The following ARHGAP26 variants were observed in gnomAD, a reference collection of about 807,000 sequenced individuals.
ARHGAP26 encodes rho GTPase-activating protein 26.
Under a neutral mutation model 104.8 loss-of-function variants are expected in ARHGAP26, and 38 were observed. That is an observed-to-expected ratio of 0.36 (90% CI 0.28 to 0.48). The LOEUF (loss-of-function observed/expected upper bound fraction) is 0.48. Ranked by LOEUF, ARHGAP26 falls within the 20% of genes least tolerant of loss-of-function variation. The pLI is 0.99. For synonymous variants in ARHGAP26, 341 were observed against 340.0 expected (o/e 1.00, Z -0.03); for missense variants, 704 against 947.9 (o/e 0.74, Z 3.38).
intron 17 of ARHGAP26, among the ~76,000 whole-genome samples, chr5:143,089,433 T>C (rs2150513250): frequency 1.3e-5 from 2 of 152,370 alleles, no homozygotes; most frequent in Middle Eastern, 6.8e-3. Context: ...TACCCCTGAG[T>C]TGTTGGCTAA....
intron 10 of ARHGAP26, among the ~76,000 whole-genome samples, chr5:142,931,512 C>A (rs897364509): frequency 6.6e-6 from 1 of 152,160 alleles, no homozygotes; most frequent in African/African-American, 2.4e-5. Context: ...AAATACTGTG[C>A]ACATTTAATC....
chr5:142,777,817 A>G (rs1756657564), intron 1 of ARHGAP26, among the ~76,000 whole-genome samples: 1 of 152,192 alleles, frequency 6.6e-6, no homozygotes, highest in South Asian at 2.1e-4. Flanking sequence ...GAATGCACAA[A>G]GAGATAGGCC....
intron 20 of ARHGAP26, chr5:143,203,702 G>A (rs1444827132): frequency 6.6e-6 from 1 of 152,184 alleles, no homozygotes; most frequent in Non-Finnish European, 1.5e-5. Context: ...ACTGGATAAA[G>A]AAAATGTGGC....
intron 10 of ARHGAP26, among the ~76,000 whole-genome samples, chr5:142,913,502 A>G (rs935185191): frequency 5.3e-5 from 8 of 150,286 alleles, no homozygotes; most frequent in African/African-American, 2.0e-4. Context: ...TGCGAGAATC[A>G]TTAGAACCTC....
chr5:143,064,759 G>A lies in ARHGAP26; in HGVS notation c.1538+7012G>A, dbSNP rs186416000. ...AACCCAAGAATTTGTCTGTTCTGTGGCTTTGTAGCCTTTAGAGATAGGAGA... is the reference window on the plus strand; with the variant it reads ...AACCCAAGAATTTGTCTGTTCTGTGACTTTGTAGCCTTTAGAGATAGGAGA... On this transcript the variant is annotated intron_variant, in intron 17 of 22. Transcript: ENST00000645722. Among the ~76,000 whole-genome samples the A allele has an allele frequency of 1.5e-3, 231 of 152,290 alleles. 1 individual carries two copies. The highest frequency in any genetic ancestry group is 5.2e-3 in the African/African-American group (217 of 41,556).
intron 21 of ARHGAP26, among the ~76,000 whole-genome samples, chr5:143,209,224 C>T (rs1357801464): frequency 2.6e-5 from 4 of 152,180 alleles, no homozygotes; most frequent in Non-Finnish European, 5.9e-5. Flanking sequence ...TTTTGTGACT[C>T]TGAGATTTGG....
intron 11 of ARHGAP26, among the ~76,000 whole-genome samples, chr5:142,977,259 A>C (rs1475945107): frequency 6.6e-6 from 1 of 152,200 alleles, no homozygotes; most frequent in Admixed American, 6.5e-5. Flanking sequence ...GTGGGTAAAG[A>C]AAATTATATA....
At chr5:142,826,610 G>A (rs1482858464) in intron 1 of ARHGAP26, among the ~76,000 whole-genome samples, 4 of 152,166 alleles carry the variant, frequency 2.6e-5, no homozygotes, top group Non-Finnish European at 5.9e-5. Flanking sequence ...GTGACTTGTC[G>A]CCACACCATG....
chr5:142,976,662 A>C (rs1773141521), intron 11 of ARHGAP26, among the ~76,000 whole-genome samples: 1 of 152,232 alleles, frequency 6.6e-6, no homozygotes, highest in African/African-American at 2.4e-5. Flanking sequence ...ATTTTTTTAC[A>C]TGCCAAAAAT....
chr5:142,951,587 G>A (rs926737336), intron 11 of ARHGAP26, among the ~76,000 whole-genome samples: 1 of 152,110 alleles, frequency 6.6e-6, no homozygotes, highest in African/African-American at 2.4e-5. Context: ...CTGTCAGGGT[G>A]GTAGTATGTC....
intron 3 of ARHGAP26, among the ~76,000 whole-genome samples, chr5:142,875,672 G>C (rs1481476979): frequency 1.3e-5 from 2 of 152,206 alleles, no homozygotes; most frequent in African/African-American, 4.8e-5. Context: ...GCTCTTCAGA[G>C]AGGCATTGTC....
chr5:143,035,771 A>G (rs1405779698), intron 12 of ARHGAP26, among the ~76,000 whole-genome samples: 1 of 151,936 alleles, frequency 6.6e-6, no homozygotes, highest in East Asian at 1.9e-4. Flanking sequence ...CTCTGTCTCT[A>G]CTAAAAATAC....
intron 12 of ARHGAP26, among the ~76,000 whole-genome samples, chr5:143,027,244 T>A (rs1462210569): frequency 6.6e-6 from 1 of 151,742 alleles, no homozygotes; most frequent in Non-Finnish European, 1.5e-5. Flanking sequence ...CAATCTTGGC[T>A]CACTGCTACC....
chr5:142,892,243 A>T (rs1758764831), intron 5 of ARHGAP26, among the ~76,000 whole-genome samples: 1 of 151,926 alleles, frequency 6.6e-6, no homozygotes, highest in South Asian at 2.1e-4. Flanking sequence ...CTCTGCAGGA[A>T]TTTCTTTTTC....
chr5:142,993,558 G>A (rs1775960902), intron 11 of ARHGAP26, among the ~76,000 whole-genome samples: 1 of 152,112 alleles, frequency 6.6e-6, no homozygotes, highest in Admixed American at 6.5e-5. Flanking sequence ...ACCTACCTTG[G>A]CTTCCCAAAG....
intron 10 of ARHGAP26, chr5:142,919,544 G>T (rs1381848256): frequency 5.0e-6 from 2 of 397,346 alleles, no homozygotes; most frequent in Non-Finnish European, 8.9e-6. Context: ...GCACCCAGCA[G>T]CCTTTAAATG....
At chr5:142,860,201 T>A (rs1003115518) in intron 1 of ARHGAP26, 4 of 152,162 alleles carry the variant, frequency 2.6e-5, no homozygotes, top group African/African-American at 9.7e-5. Context: ...TATTAAAAAT[T>A]TCAAGACAGC....
chr5:142,971,190 A>T lies in ARHGAP26; in HGVS notation c.1107+39065A>T, dbSNP rs376672950. 4.6e-5 allele frequency among the ~76,000 whole-genome samples: 7 copies of T among 152,316 alleles called. No individual in the cohort carries two copies. The South Asian group carries it at 1.0e-3, about 23-fold the overall frequency. Reference sequence around the variant, plus strand: ...AAGTAGGAGGAAAATAACCGAAGTTATAACTGTTTCTCCTTATCACTGATC... The same window carrying T: ...AAGTAGGAGGAAAATAACCGAAGTTTTAACTGTTTCTCCTTATCACTGATC... On this transcript the variant is annotated intron_variant, in intron 11 of 22. Transcript: ENST00000645722.
intron 4 of ARHGAP26, among the ~76,000 whole-genome samples, chr5:142,882,065 A>G (rs1757072538): frequency 1.3e-5 from 2 of 152,168 alleles, no homozygotes; most frequent in Admixed American, 6.5e-5. Flanking sequence ...TTTTTCCTGT[A>G]TTAGAGGTAC....
Sources: allele counts gnomAD v4.1 joint callset (sites outside exome capture counted in the v4.1 genomes callset), GRCh38; gene constraint gnomAD v4.1.1; transcripts MANE v1.5; gene names NCBI Gene and HGNC (gene_info 2026-07-23, HGNC 2026-07-21).